AKAP19: variants seen among roughly 807,000 people sequenced by gnomAD.
The protein encoded by AKAP19 is A-kinase anchoring protein 19, also known as small A-kinase anchoring protein.
the AKAP19 span, among the ~76,000 whole-genome samples, chr2:189,976,344 G>A: frequency 2.0e-5 from 3 of 152,182 alleles, no homozygotes; most frequent in Admixed American, 6.5e-5. Context: ...TGAAAGCTTC[G>A]TCTCAGGGGG....
chr2:190,040,880 G>A, the AKAP19 span, among the ~76,000 whole-genome samples: 1 of 152,096 alleles, frequency 6.6e-6, no homozygotes, highest in African/African-American at 2.4e-5. Flanking sequence ...ATTTGTCTAT[G>A]CGTCTGTCTT....
At chr2:190,115,650 A>G in the AKAP19 span, among the ~76,000 whole-genome samples, 1 of 151,858 alleles carries the variant, frequency 6.6e-6, no homozygotes, top group Non-Finnish European at 1.5e-5. Context: ...GGATTCCATT[A>G]TTTCCTATTT....
the AKAP19 span, among the ~76,000 whole-genome samples, chr2:190,043,343 T>C: frequency 6.6e-6 from 1 of 152,220 alleles, no homozygotes; most frequent in Non-Finnish European, 1.5e-5. Context: ...GATTCATAGA[T>C]TTGGCCCCTT....
the AKAP19 span, among the ~76,000 whole-genome samples, chr2:190,045,684 A>T: frequency 6.6e-6 from 1 of 152,130 alleles, no homozygotes; most frequent in East Asian, 1.9e-4. Flanking sequence ...GCTGGGTGGA[A>T]TTTCCAAGCC....
chr2:189,997,522 G>C, the AKAP19 span, among the ~76,000 whole-genome samples: 1 of 152,104 alleles, frequency 6.6e-6, no homozygotes, highest in East Asian at 1.9e-4. Flanking sequence ...AGGGGATTAT[G>C]GCTGCCTCTG....
the AKAP19 span, among the ~76,000 whole-genome samples, chr2:189,936,044 T>C: frequency 6.6e-6 from 1 of 152,236 alleles, no homozygotes; most frequent in Non-Finnish European, 1.5e-5. Flanking sequence ...AGGAAATCAT[T>C]TAATATTGTA....
the AKAP19 span, among the ~76,000 whole-genome samples, chr2:190,149,210 G>A: frequency 6.6e-6 from 1 of 152,080 alleles, no homozygotes; most frequent in Non-Finnish European, 1.5e-5. Flanking sequence ...TGATCCACCT[G>A]CCTCAGCCTC....
the AKAP19 span, among the ~76,000 whole-genome samples, chr2:189,914,029 T>A: frequency 6.6e-6 from 1 of 152,072 alleles, no homozygotes; most frequent in South Asian, 2.1e-4. Context: ...CACCTGTTAG[T>A]GTGTTTCGTT....
the AKAP19 span, among the ~76,000 whole-genome samples, chr2:189,951,404 G>A: frequency 1.1e-4 from 16 of 152,182 alleles, no homozygotes; most frequent in Admixed American, 5.2e-4. Context: ...GTTTCACCAT[G>A]TTGGCCAGGG....
the AKAP19 span, among the ~76,000 whole-genome samples, chr2:190,083,106 C>A: frequency 6.6e-6 from 1 of 152,020 alleles, no homozygotes; most frequent in African/African-American, 2.4e-5. Context: ...TGGCAGGGTG[C>A]GGTGGCACAC....
chr2:190,044,482 C>T, the AKAP19 span, among the ~76,000 whole-genome samples: 2 of 152,118 alleles, frequency 1.3e-5, no homozygotes, highest in East Asian at 3.9e-4. Context: ...GTCTTTGCTC[C>T]TTCGTTAGTC....
the AKAP19 span, among the ~76,000 whole-genome samples, chr2:189,998,768 TTTC>T: frequency 2.9e-3 from 225 of 77,366 alleles, no homozygotes; most frequent in East Asian, 0.029. Context: ...TCTTTCTTTC[TTTC>T]TTTTTTTTTT....
chr2:190,089,484 T>C, the AKAP19 span: 1 of 152,152 alleles, frequency 6.6e-6, no homozygotes, highest in African/African-American at 2.4e-5. Flanking sequence ...CTGAAAAATG[T>C]ATTCAGCTCC....
chr2:189,901,708 C>A, the AKAP19 span, among the ~76,000 whole-genome samples: 1 of 152,092 alleles, frequency 6.6e-6, no homozygotes, highest in Non-Finnish European at 1.5e-5. Context: ...GGGTATTTAC[C>A]TTTTTTCCCC....
chr2:190,200,199 G>C, the AKAP19 span: 1 of 1,511,874 alleles, frequency 6.6e-7, no homozygotes, highest in Non-Finnish European at 9.1e-7. Context: ...TTGAATAAAT[G>C]TGACAAAAGC....
chr2:190,074,601 A>G, the AKAP19 span, among the ~76,000 whole-genome samples: 30 of 151,966 alleles, frequency 2.0e-4, no homozygotes, highest in African/African-American at 6.5e-4. Flanking sequence ...CAGTGAGCTG[A>G]GATATCACAC....
chr2:189,891,979 A>T, the AKAP19 span, among the ~76,000 whole-genome samples: 2 of 151,558 alleles, frequency 1.3e-5, no homozygotes, highest in Non-Finnish European at 2.9e-5. Context: ...TATTTCATTA[A>T]GTTGATTTTC....
At chr2:189,902,829 G>T in the AKAP19 span, among the ~76,000 whole-genome samples, 3 of 151,132 alleles carry the variant, frequency 2.0e-5, no homozygotes, top group Admixed American at 2.0e-4. Flanking sequence ...AAATAAGGAA[G>T]GTTATCGGTT....
At chr2:190,062,802 G>T in the AKAP19 span, 1 of 536,784 alleles carries the variant, frequency 1.9e-6, no homozygotes, top group Non-Finnish European at 3.3e-6. Context: ...TCTATGATTG[G>T]CTCTTGCTCC....
Sources: gnomAD v4.1 joint callset for allele counts (sites outside exome capture counted in the v4.1 genomes callset) on GRCh38, gnomAD v4.1.1 for gene constraint, MANE v1.5 for transcripts, NCBI Gene and HGNC (gene_info 2026-07-23, HGNC 2026-07-21) for gene names.